Variants in SLC24A2 observed in about 807,000 individuals in gnomAD.
The protein encoded by SLC24A2 is solute carrier family 24 member 2.
A neutral mutation model predicts 62.0 loss-of-function variants in SLC24A2; 36 were observed. The observed-to-expected ratio is 0.58, with a 90% CI of 0.44 to 0.77. The LOEUF is 0.77. Ranked by LOEUF, SLC24A2 falls within the 30% of genes least tolerant of loss-of-function variation. SLC24A2 has a pLI of 0.00. For synonymous variants in SLC24A2, 358 were observed against 294.0 expected (o/e 1.22, Z -2.23); for missense variants, 846 against 817.9 (o/e 1.03, Z -0.42).
chr9:19,942,534 A>G, the SLC24A2 span, among the ~76,000 whole-genome samples: 3 of 152,198 alleles, frequency 2.0e-5, no homozygotes, highest in African/African-American at 7.2e-5. Flanking sequence ...CTAACTGCAG[A>G]AGAATATGGG....
chr9:19,578,467 A>G (rs11788026), intron 5 of SLC24A2, among the ~76,000 whole-genome samples: 1 of 151,824 alleles, frequency 6.6e-6, no homozygotes, highest in East Asian at 1.9e-4. Flanking sequence ...GGTATAAAAA[A>G]ATTCTCATTT....
chr9:19,546,026 G>A (rs1376540343), intron 8 of SLC24A2, among the ~76,000 whole-genome samples: 1 of 152,216 alleles, frequency 6.6e-6, no homozygotes, highest in Non-Finnish European at 1.5e-5. Flanking sequence ...GATATCACCA[G>A]AGGAGGCTGC....
At chr9:20,149,987 A>T in the SLC24A2 span, among the ~76,000 whole-genome samples, 2 of 151,884 alleles carry the variant, frequency 1.3e-5, no homozygotes, top group East Asian at 3.9e-4. Flanking sequence ...CACTTCCCAC[A>T]CCCTTATAGT....
At chr9:19,604,309 G>C (rs1413753490) in intron 4 of SLC24A2, among the ~76,000 whole-genome samples, 1 of 152,122 alleles carries the variant, frequency 6.6e-6, no homozygotes, top group Non-Finnish European at 1.5e-5. Flanking sequence ...TGAAGTAGGA[G>C]GACTTACATC....
Position 19,513,190 on chromosome 9 carries a change from A to ATATATATATATATG in SLC24A2, c.*2962_*2963insCATATATATATATA, listed in dbSNP as rs1249112875. On this transcript the variant is annotated 3_prime_UTR_variant, in exon 11 of 11. Coordinates refer to ENST00000341998, the MANE Select transcript of SLC24A2 (RefSeq NM_020344.4). ...TATATATATATGTATATATATATAT[A>ATATATATATATATG]TGTATATATTTATATATGTATATAC... is the stretch of plus-strand genomic sequence containing the variant. 1 of 142,356 alleles carries ATATATATATATATG rather than the reference A, an allele frequency of 7.0e-6. No homozygotes were observed. The highest frequency in any genetic ancestry group is 1.5e-5 in the Non-Finnish European group (1 of 66,740). The allele number at this position is 142,356 out of a possible 1,614,324, so 8.8% of individuals were successfully genotyped here.
the SLC24A2 span, among the ~76,000 whole-genome samples, chr9:20,303,534 C>T: frequency 6.6e-6 from 1 of 152,028 alleles, no homozygotes; most frequent in African/African-American, 2.4e-5. Flanking sequence ...GTTTAAGGGC[C>T]ACAAAAGATG....
At chr9:19,628,326 T>C (rs1251980037) in intron 2 of SLC24A2, among the ~76,000 whole-genome samples, 2 of 152,158 alleles carry the variant, frequency 1.3e-5, no homozygotes, top group African/African-American at 2.4e-5. Context: ...ATTAAATCAA[T>C]TAAAGGTTAA....
At chr9:19,860,686 C>T in the SLC24A2 span, among the ~76,000 whole-genome samples, 2 of 152,094 alleles carry the variant, frequency 1.3e-5, no homozygotes, top group East Asian at 3.9e-4. Flanking sequence ...AATTTTTGGA[C>T]CTGCCCTGGG....
the SLC24A2 span, among the ~76,000 whole-genome samples, chr9:20,073,021 C>T: frequency 6.6e-6 from 1 of 152,134 alleles, no homozygotes; most frequent in Admixed American, 6.5e-5. Context: ...GATTAAGATA[C>T]TATTTAATTT....
At chr9:19,961,321 T>C in the SLC24A2 span, among the ~76,000 whole-genome samples, 1 of 152,266 alleles carries the variant, frequency 6.6e-6, no homozygotes, top group African/African-American at 2.4e-5. Flanking sequence ...AAGGAAAATA[T>C]TTTTAGTAAA....
the SLC24A2 span, among the ~76,000 whole-genome samples, chr9:20,265,370 C>T: frequency 1.8e-4 from 28 of 152,062 alleles, 1 homozygote; most frequent in East Asian, 2.9e-3. Context: ...GAAACCATGG[C>T]GGAAGAACAT....
the SLC24A2 span, among the ~76,000 whole-genome samples, chr9:19,922,708 T>A: frequency 6.6e-6 from 1 of 151,910 alleles, no homozygotes; most frequent in Non-Finnish European, 1.5e-5. Context: ...CCACCTAGAC[T>A]CCAAATATGG....
intron 2 of SLC24A2, among the ~76,000 whole-genome samples, chr9:19,774,716 G>A (rs1822793379): frequency 2.0e-5 from 3 of 152,196 alleles, no homozygotes; most frequent in Admixed American, 2.0e-4. Context: ...GTTACTTACA[G>A]AGAAGCAGAA....
chr9:19,680,606 A>ATATATATT (rs1819693254), intron 2 of SLC24A2, among the ~76,000 whole-genome samples: 1 of 16,240 alleles, frequency 6.2e-5, no homozygotes, highest in Non-Finnish European at 2.6e-4. Flanking sequence ...GTTCTATAAC[A>ATATATATT]TATATATATA....
the SLC24A2 span, among the ~76,000 whole-genome samples, chr9:20,195,856 T>C: frequency 6.6e-6 from 1 of 151,900 alleles, no homozygotes; most frequent in Non-Finnish European, 1.5e-5. Flanking sequence ...AAAAATTTTT[T>C]AACTTAATTC....
chr9:19,551,170 T>G (rs1163515287), intron 7 of SLC24A2, among the ~76,000 whole-genome samples: 1 of 152,206 alleles, frequency 6.6e-6, no homozygotes, highest in East Asian at 1.9e-4. Context: ...GGTCACCTGC[T>G]TAACCACAGC....
the SLC24A2 span, among the ~76,000 whole-genome samples, chr9:19,912,658 A>C: frequency 1.2e-4 from 19 of 152,126 alleles, no homozygotes; most frequent in Non-Finnish European, 1.5e-5. Flanking sequence ...CTTAGTTTTC[A>C]CATCGTTTAT....
chr9:19,968,630 T>C, the SLC24A2 span, among the ~76,000 whole-genome samples: 2 of 152,294 alleles, frequency 1.3e-5, no homozygotes, highest in South Asian at 4.1e-4. Context: ...GTAGTGCACA[T>C]GTAGGAGTTA....
At chr9:19,817,844 C>G in the SLC24A2 span, among the ~76,000 whole-genome samples, 3 of 152,190 alleles carry the variant, frequency 2.0e-5, no homozygotes, top group African/African-American at 7.2e-5. Context: ...ATCCTCCTGC[C>G]TCAGCCTACT....
Sources: gnomAD v4.1 joint callset for allele counts (sites outside exome capture counted in the v4.1 genomes callset) on GRCh38, gnomAD v4.1.1 for gene constraint, MANE v1.5 for transcripts, NCBI Gene and HGNC (gene_info 2026-07-23, HGNC 2026-07-21) for gene names.